The following DAB2IP variants were observed in gnomAD, a reference collection of about 807,000 sequenced individuals.
DAB2IP encodes the protein DAB2 interacting protein.
A neutral mutation model predicts 107.2 loss-of-function variants in DAB2IP; 28 were observed. The ratio of observed to expected loss-of-function variants is 0.26; its 90% confidence interval spans 0.19 to 0.36. The LOEUF is 0.36. DAB2IP is among the 10% of genes least tolerant of loss of function. DAB2IP has a pLI of 1.00. For synonymous variants in DAB2IP, 755 were observed against 706.4 expected (o/e 1.07, Z -1.09); for missense variants, 1,400 against 1,644.7 (o/e 0.85, Z 2.57).
chr9:121,783,850 C>T (rs1835827478), exon 16 of DAB2IP: 1 of 480,364 alleles, frequency 2.1e-6, no homozygotes. Context: ...TGAGCAGGAG[C>T]TTGGGTCTCT....
rs1000416966 is a variant in DAB2IP, at chr9:121,782,844, T to TC, written c.*352dup. 1.8e-6 allele frequency: 2 copies of TC among 1,093,574 alleles called. No homozygotes were observed. Among genetic ancestry groups the TC allele is most frequent in the Non-Finnish European group, 2.2e-6 (2 of 897,372 alleles). The allele number at this position is 1,093,574 out of a possible 1,614,324, so 67.7% of individuals were successfully genotyped here. ...TCCTGGATCTGGCCGAGTGCATGTG[T>TC]CCCCCCACACCTGTGCCAGGGAGGG... On this transcript the variant is annotated 3_prime_UTR_variant, in exon 16 of 16. Coordinates refer to ENST00000408936, the Ensembl canonical transcript of DAB2IP. The surrounding 1 kb of genome is among the most constrained non-coding windows in gnomAD (Gnocchi z 6.1).
chr9:121,668,624 C>T (rs144360184), intron 1 of DAB2IP, among the ~76,000 whole-genome samples: 36 of 152,208 alleles, frequency 2.4e-4, no homozygotes, highest in East Asian at 2.3e-3. Flanking sequence ...ATGTATTCAT[C>T]GAGTACAATT....
intron 8 of DAB2IP, among the ~76,000 whole-genome samples, 172 bp downstream of exon 8, chr9:121,764,051 T>C (rs1834086593): frequency 6.6e-6 from 1 of 152,208 alleles, no homozygotes; most frequent in South Asian, 2.1e-4. Context: ...AGCATGTTGC[T>C]GTGGTTTTGT....
chr9:121,726,531 A>G (rs1218351675), intron 3 of DAB2IP, among the ~76,000 whole-genome samples: 3 of 152,228 alleles, frequency 2.0e-5, no homozygotes, highest in East Asian at 3.8e-4. Context: ...GGGGCTTGCA[A>G]TTGGCATCTG....
chr9:121,628,260 G>C (rs1831742472), intron 1 of DAB2IP, among the ~76,000 whole-genome samples: 1 of 152,102 alleles, frequency 6.6e-6, no homozygotes, highest in South Asian at 2.1e-4. Flanking sequence ...GTGATTCCTA[G>C]CCCCCCTTAG....
chr9:121,599,754 C>T lies in DAB2IP; in HGVS notation c.40+32526C>T, dbSNP rs1021350060. Among the ~76,000 whole-genome samples the T allele has an allele frequency of 1.3e-5, 2 of 151,980 alleles. No homozygotes were observed. The highest frequency in any genetic ancestry group is 1.5e-5 in the Non-Finnish European group (1 of 67,976). Reference sequence around the variant, plus strand: ...GGGATGGCAGCGCCCAGCGGCCCGGCCCGCGCGTAGAGGTAAAAGCTGGGG... The same window carrying T: ...GGGATGGCAGCGCCCAGCGGCCCGGTCCGCGCGTAGAGGTAAAAGCTGGGG... On this transcript the variant is annotated intron_variant, in intron 1 of 16. Coordinates refer to the DAB2IP transcript ENST00000259371. The surrounding 1 kb of genome is among the most constrained non-coding windows in gnomAD (Gnocchi z 6.9).
At chr9:121,769,219 C>T (rs1211650964) in intron 10 of DAB2IP, among the ~76,000 whole-genome samples, 1 of 152,150 alleles carries the variant, frequency 6.6e-6, no homozygotes, top group Non-Finnish European at 1.5e-5. Flanking sequence ...CTTTCTAGGG[C>T]TCCAAGGGAC....
intron 1 of DAB2IP, among the ~76,000 whole-genome samples, chr9:121,658,153 C>T (rs1284567733): frequency 6.6e-6 from 1 of 152,200 alleles, no homozygotes; most frequent in Non-Finnish European, 1.5e-5. Context: ...AACACGCTCA[C>T]ATCCCAGGCT....
At chr9:121,718,249 G>GCTCA (rs961207897) in intron 3 of DAB2IP, among the ~76,000 whole-genome samples, 3 of 152,234 alleles carry the variant, frequency 2.0e-5, no homozygotes, top group South Asian at 2.1e-4. Flanking sequence ...GCCCTCCAAG[G>GCTCA]CTCACTCACT....
intron 1 of DAB2IP, among the ~76,000 whole-genome samples, chr9:121,615,126 C>T (rs545021108): frequency 1.7e-4 from 26 of 152,158 alleles, no homozygotes; most frequent in Admixed American, 3.3e-4. Flanking sequence ...ATCCTTGTTA[C>T]GCCTTATGTC....
intron 1 of DAB2IP, among the ~76,000 whole-genome samples, chr9:121,656,486 T>C (rs1329979023): frequency 6.6e-6 from 1 of 152,234 alleles, no homozygotes; most frequent in Non-Finnish European, 1.5e-5. Context: ...ATGACACCTG[T>C]GAAATCATTA....
At chr9:121,588,656 G>C (rs1037406678) in intron 1 of DAB2IP, among the ~76,000 whole-genome samples, 19 of 104,310 alleles carry the variant, frequency 1.8e-4, no homozygotes, top group Middle Eastern at 0.013. Context: ...AGAGAAGGGA[G>C]CAGGACTGGG....
At chr9:121,783,133 ACCC>A in exon 16 of DAB2IP, 1 of 353,450 alleles carries the variant, frequency 2.8e-6, no homozygotes, top group Non-Finnish European at 3.8e-6. Context: ...CTACCCACCC[ACCC>A]CCTCTGAACC....
chr9:121,759,798 G>GTCTGAGGACTCTCTCAGGC (rs1319676733), intron 5 of DAB2IP, 87 bp from the exon 6 acceptor site: 17 of 1,266,834 alleles, frequency 1.3e-5, no homozygotes, highest in Non-Finnish European at 1.9e-5. Context: ...CTCCTCCTGG[G>GTCTGAGGACTCTCTCAGGC]TCTGAGGACT....
intron 6 of DAB2IP, among the ~76,000 whole-genome samples, chr9:121,761,096 G>T (rs191598201): frequency 1.3e-5 from 2 of 152,280 alleles, no homozygotes; most frequent in East Asian, 3.9e-4. Flanking sequence ...TTCCGCTCCC[G>T]AAGATGGGCC....
chr9:121,726,906 A>G (rs908767430), intron 3 of DAB2IP, among the ~76,000 whole-genome samples: 3 of 152,172 alleles, frequency 2.0e-5, no homozygotes, highest in Non-Finnish European at 2.9e-5. Flanking sequence ...GTACTTCAGG[A>G]ACTGGTGCCA....
chr9:121,678,084 C>T (rs905093785), intron 1 of DAB2IP, among the ~76,000 whole-genome samples: 1 of 152,210 alleles, frequency 6.6e-6, no homozygotes, highest in African/African-American at 2.4e-5. Context: ...GCAACCATCA[C>T]CACTATCCAT....
Position 121,736,663 on chromosome 9 carries a change from G to A in DAB2IP, c.363-20350G>A, listed in dbSNP as rs558697943. Among the ~76,000 whole-genome samples the A allele has an allele frequency of 1.1e-4, 16 of 152,210 alleles. No individual in the cohort carries two copies. Among genetic ancestry groups the A allele is most frequent in the Non-Finnish European group, 2.2e-4 (15 of 68,032 alleles). On this transcript the variant is annotated intron_variant, in intron 3 of 15. Coordinates refer to ENST00000408936, the Ensembl canonical transcript of DAB2IP. This position sits in a 1 kb window ranked among gnomAD's most constrained non-coding sequence, Gnocchi z 4.6. ...CCGGAATGCTCTGGGAGCAGCGCTC[G>A]GGGGAGGTTACCTTGGCGCGCCCCC...
chr9:121,772,792 G>T lies in DAB2IP; in HGVS notation c.2264G>T (p.Arg755Leu). The T allele has an allele frequency of 6.2e-7, 1 of 1,612,424 alleles. No homozygotes were observed. ...TCCATGGTGGACCTCCAGGACGCCC[G>T]CACGCTGGATGGGGAGGCAGGCTCC... The change falls in exon 12 of 16, where the codon CGC becomes CTC. Residue 755 changes from arginine (R) to leucine (L), a missense_variant. By Grantham distance (102) the Arg-to-Leu change is moderately radical. This residue lies in a region of DAB2IP where 600 missense variants were observed against 659.1 expected (regional missense o/e 0.91). Transcript: ENST00000408936. This position sits in a 1 kb window ranked among gnomAD's most constrained non-coding sequence, Gnocchi z 4.7.
Sources: allele counts gnomAD v4.1 joint callset (sites outside exome capture counted in the v4.1 genomes callset), GRCh38; gene constraint gnomAD v4.1.1; regional missense constraint gnomAD v4.1.1; non-coding constraint Gnocchi (gnomAD v3.1); transcripts MANE v1.5; gene names NCBI Gene and HGNC (gene_info 2026-07-23, HGNC 2026-07-21).